PEX6: variants seen among roughly 807,000 people sequenced by gnomAD.
PEX6 encodes peroxisomal biogenesis factor 6, also known as peroxisome biogenesis factor 6.
PEX6 carries 55 observed loss-of-function variants against 85.6 expected under a neutral mutation model. That is an observed-to-expected ratio of 0.64 (90% CI 0.52 to 0.80). PEX6 has a LOEUF of 0.80. Among genes scored for constraint, PEX6 ranks in the 30% least tolerant of loss-of-function variants. PEX6 has a pLI of 0.00. For missense variants in PEX6, 1,099 were observed against 1,260.3 expected, an observed-to-expected ratio of 0.87 and a Z score of 1.94; for synonymous variants, 519 against 549.1, an observed-to-expected ratio of 0.95 and a Z score of 0.77.
intron 1 of PEX6, among the ~76,000 whole-genome samples, chr6:42,978,039 T>A (rs964196670): frequency 6.6e-6 from 1 of 151,754 alleles, no homozygotes; most frequent in Non-Finnish European, 1.5e-5. Context: ...GAGACGGGGT[T>A]TCTCCATGTT....
intron 3 of PEX6, among the ~76,000 whole-genome samples, chr6:42,970,883 G>A (rs747073632): frequency 1.8e-4 from 28 of 152,136 alleles, no homozygotes; most frequent in Non-Finnish European, 3.5e-4. Context: ...CCAGGGCTGC[G>A]CAGTAGTTGG....
rs1409180107 is a variant in PEX6 at position 42,964,436 on chromosome 6, T to C, written c.2842A>G (p.Met948Val). Residue 948 changes from methionine to valine, a missense_variant, in exon 17 of 17, where the codon ATG becomes GTG. By Grantham distance (21) the Met-to-Val change is conservative (BLOSUM62 1). Transcript: ENST00000304611. The surrounding 1 kb of genome is among the most constrained non-coding windows in gnomAD (Gnocchi z 4.6). ...EPGSSALMLT[M>V]EDLLQAAARL... ...GCGGCAGCCTGCAGCAAGTCCTCCA[T>C]GGTGAGCATCAGTGCTGAGCTACCT... The C allele has an allele frequency of 5.0e-6, 8 of 1,613,722 alleles. No individual in the cohort carries two copies. The highest frequency in any genetic ancestry group is 6.8e-6 in the Non-Finnish European group (8 of 1,180,014).
At chr6:42,968,096 G>A (rs951800552) in intron 7 of PEX6, among the ~76,000 whole-genome samples, 194 bp downstream of exon 7, 2 of 151,968 alleles carry the variant, frequency 1.3e-5, no homozygotes, top group African/African-American at 2.4e-5. Flanking sequence ...ACAGGCACCC[G>A]CCACCACACC....
Position 42,968,474 on chromosome 6 carries a change from C to A in PEX6, c.1504G>T (p.Glu502Ter). ...TTTGTCTCCACAGCCCCACTACTTT[C>A]TGCACAGAGGCTGGAGCAGGGCACC... is the stretch of plus-strand genomic sequence containing the variant. ...LKVPCSSLCA[E>*]SSGAVETKLQ... Residue 502 changes from glutamate to a stop codon, truncating the protein, a stop_gained, in exon 7 of 17, where the codon GAA becomes TAA. Coordinates refer to ENST00000304611, the MANE Select transcript of PEX6 (RefSeq NM_000287.4). LOFTEE classifies it high-confidence loss of function. The A allele has an allele frequency of 6.3e-7, 1 of 1,588,716 alleles. No individual in the cohort carries two copies.
Position 42,974,852 on chromosome 6 carries a change from C to A in PEX6, c.1046+23G>T, listed in dbSNP as rs372424477. ...TGTAATGAGGGTGAGAAGCTATCCT[C>A]CTTAAAAGGTTAGGTAGCTAACCTG... On this transcript the variant is annotated intron_variant, in intron 2 of 16. Coordinates refer to ENST00000304611, the MANE Select transcript of PEX6 (RefSeq NM_000287.4). 8.7e-6 allele frequency: 14 copies of A among 1,605,164 alleles called. No individual in the cohort carries two copies. The African/African-American group carries it at 1.5e-4, about 17-fold the overall frequency.
At chr6:42,977,731 C>T (rs1319123439) in intron 1 of PEX6, among the ~76,000 whole-genome samples, 3 of 116,212 alleles carry the variant, frequency 2.6e-5, no homozygotes, top group African/African-American at 1.0e-4. Context: ...ATCGCATCAC[C>T]ACATTCCAGC....
At position 42,966,250 on chromosome 6, in the gene PEX6, G is replaced by C; in HGVS notation, c.2292C>G (p.Thr764=). The change falls in exon 11 of 17, where the codon ACC becomes ACG. Residue 764 remains threonine, a synonymous_variant. Coordinates refer to ENST00000304611, the MANE Select transcript of PEX6 (RefSeq NM_000287.4). ...CCAGGCCCCCTGGCCACCTGAGGAAGGTAAGGCTGCACTCAGTGGCTACTG... is the reference window on the plus strand; with the variant it reads ...CCAGGCCCCCTGGCCACCTGAGGAACGTAAGGCTGCACTCAGTGGCTACTG... ...AKAVATECSL[T]FLSVKGPELI... 1 of 1,612,086 alleles carries C rather than the reference G, an allele frequency of 6.2e-7. No homozygotes were observed. Among genetic ancestry groups the C allele is most frequent in the East Asian group, 2.2e-5 (1 of 44,856 alleles).
At position 42,978,441 on chromosome 6, in the gene PEX6, G is replaced by T. The variant is rs1197275138; in HGVS notation, c.710C>A (p.Pro237Gln). ...QARESSNTSQ[P>Q]HLARVQVLEP... Reference sequence around the variant, plus strand: ...TAGGACCTGCACCCTAGCCAAGTGCGGCTGTGAAGTGTTCGATGACTCTCT... The same window carrying T: ...TAGGACCTGCACCCTAGCCAAGTGCTGCTGTGAAGTGTTCGATGACTCTCT... The change falls in exon 1 of 17, where the codon CCG becomes CAG. Residue 237 changes from proline to glutamine, a missense_variant. Pro to Gln is a moderately conservative substitution (Grantham distance 76, BLOSUM62 -1). Transcript: ENST00000304611. 1 of 1,614,064 alleles carries T rather than the reference G, an allele frequency of 6.2e-7. No individual in the cohort carries two copies. Among genetic ancestry groups the T allele is most frequent in the East Asian group, 2.2e-5 (1 of 44,890 alleles).
At position 42,965,839 on chromosome 6, in the gene PEX6, G is replaced by C. The variant is rs777767070; in HGVS notation, c.2363-50C>G. The C allele has an allele frequency of 6.6e-7, 1 of 1,526,638 alleles. No homozygotes were observed. Among genetic ancestry groups the C allele is most frequent in the Non-Finnish European group, 9.1e-7 (1 of 1,101,506 alleles). 94.6% of individuals were successfully genotyped at this position (1,526,638 alleles called of 1,614,324 possible). ...GAGGGCAAAGCTCGGCTTGTGGGGG[G>C]TTGAAGTTAGGTGAGAGCAGGGAGG... On this transcript the variant is annotated intron_variant, in intron 12 of 16. Coordinates refer to ENST00000304611, the MANE Select transcript of PEX6 (RefSeq NM_000287.4). This position sits in a 1 kb window ranked among gnomAD's most constrained non-coding sequence, Gnocchi z 5.0.
Position 42,978,525 on chromosome 6 carries a change from C to T in PEX6, c.626G>A (p.Arg209Gln), listed in dbSNP as rs1368693470. Residue 209 changes from arginine (R) to glutamine (Q), a missense_variant, in exon 1 of 17, where the codon CGG (arginine) becomes CAG (glutamine). Physicochemically the swap from Arg to Gln is conservative, Grantham distance 43 (BLOSUM62 1). This residue lies in a region of PEX6 where 579 missense variants were observed against 611.6 expected (regional missense o/e 0.95). Coordinates refer to ENST00000304611, the MANE Select transcript of PEX6 (RefSeq NM_000287.4). ...GGTGDSLGVS[R>Q]SCLRGLGLFQ... is the part of the protein sequence containing the mutation. ...GAGGCCAAGGCCACGGAGACAGCTCCGGCTCACCCCTAGTGAATCTCCAGT... is the reference window on the plus strand; with the variant it reads ...GAGGCCAAGGCCACGGAGACAGCTCTGGCTCACCCCTAGTGAATCTCCAGT... 1.9e-6 allele frequency: 3 copies of T among 1,614,048 alleles called. No individual in the cohort carries two copies. Among genetic ancestry groups the T allele is most frequent in the African/African-American group, 1.3e-5 (1 of 75,054 alleles).
intron 1 of PEX6, 62 bp from the exon 2 acceptor site, chr6:42,975,100 T>G (rs1770234453): frequency 6.0e-6 from 8 of 1,339,184 alleles, no homozygotes. Context: ...CTAACCTGTC[T>G]CTCAGCAGCC....
intron 3 of PEX6, among the ~76,000 whole-genome samples, chr6:42,972,499 G>A (rs1443663694): frequency 1.3e-5 from 2 of 152,126 alleles, no homozygotes; most frequent in African/African-American, 4.8e-5. Flanking sequence ...GGCTGGGTGC[G>A]GTGGCTCACG....
At chr6:42,977,768 C>CAAAAAAAAAAAAAAAAAAAAAAAAGAAAA (rs1770360269) in intron 1 of PEX6, among the ~76,000 whole-genome samples, 3 of 51,698 alleles carry the variant, frequency 5.8e-5, no homozygotes, top group Non-Finnish European at 1.0e-4. Flanking sequence ...GACCCCATCT[C>CAAAAAAAAAAAAAAAAAAAAAAAAGAAAA]AAAAAAAAAA....
rs786205580 is a variant in PEX6 at position 42,978,490 on chromosome 6, C to A, written c.661G>T (p.Glu221Ter). The A allele has an allele frequency of 6.2e-7, 1 of 1,614,194 alleles. No individual in the cohort carries two copies. Among genetic ancestry groups the A allele is most frequent in the African/African-American group, 1.3e-5 (1 of 75,052 alleles). Residue 221 changes from glutamate (E) to a stop codon, truncating the protein, a stop_gained, in exon 1 of 17, where the codon GAA (glutamate) becomes TAA (stop). Transcript: ENST00000304611. LOFTEE classifies it high-confidence loss of function. The stretch of plus-strand genomic sequence containing the variant: ...CTGGCCTGGGCCACCCACACCCATT[C>A]GCCCTGGAAGAGGCCAAGGCCACGG... ...CLRGLGLFQG[E>*]WVWVAQARES...
intron 1 of PEX6, 33 bp from the exon 2 acceptor site, chr6:42,975,071 T>C (rs749655225): frequency 6.4e-7 from 1 of 1,569,248 alleles, no homozygotes; most frequent in Non-Finnish European, 8.8e-7. Context: ...GTTATAACCT[T>C]CTCCTAAGGG....
At chr6:42,968,583 G>C in intron 6 of PEX6, 85 bp from the exon 7 acceptor site, 1 of 1,245,298 alleles carries the variant, frequency 8.0e-7, no homozygotes, top group Non-Finnish European at 1.1e-6. Context: ...GGTGGAAGAT[G>C]TGGGCCATCT....
intron 1 of PEX6, among the ~76,000 whole-genome samples, 173 bp downstream of exon 1, chr6:42,978,096 C>A (rs1054166489): frequency 3.5e-4 from 53 of 152,154 alleles, no homozygotes; most frequent in African/African-American, 1.2e-3. Flanking sequence ...CCGCTCGCCT[C>A]GGCCTCCCAA....
rs150046979 is a variant in PEX6 at position 42,969,947 on chromosome 6, C to T, written c.1171G>A (p.Glu391Lys). 515 of 1,614,164 alleles carry T rather than the reference C, an allele frequency of 3.2e-4. 4 individuals are homozygous for T. The African/African-American group carries it at 6.1e-3, about 19-fold the overall frequency. The change falls in exon 4 of 17, where the codon GAA becomes AAA. Residue 391 changes from glutamate (E) to lysine (K), a missense_variant. Physicochemically the swap from Glu to Lys is moderately conservative, Grantham distance 56. Coordinates refer to ENST00000304611, the MANE Select transcript of PEX6 (RefSeq NM_000287.4). ...MFFKVKKTVG[E>K]APDGPASAYL... ...GCACTGGCTGGTCCATCTGGAGCTT[C>T]CCCAACTGTTTTCTTCACTTTAAAA...
chr6:42,975,126 A>G (rs1770235250), intron 1 of PEX6, 88 bp from the exon 2 acceptor site: 1 of 1,137,372 alleles, frequency 8.8e-7, no homozygotes, highest in Non-Finnish European at 1.3e-6. Context: ...GTCTATTTCC[A>G]TCCTGTCTTT....
Sources: gnomAD v4.1 joint callset for allele counts (sites outside exome capture counted in the v4.1 genomes callset) on GRCh38, gnomAD v4.1.1 for gene constraint, gnomAD v4.1.1 regional missense constraint, Gnocchi (gnomAD v3.1) non-coding constraint, MANE v1.5 for transcripts, NCBI Gene and HGNC (gene_info 2026-07-23, HGNC 2026-07-21) for gene names.